The following CERS5 variants were observed in gnomAD, a reference collection of about 807,000 sequenced individuals.
The protein encoded by CERS5 is LAG1 homolog, ceramide synthase 5.
In CERS5, 37 loss-of-function variants were observed where a neutral mutation model predicts 58.9. The observed-to-expected ratio is 0.63, with a 90% CI of 0.48 to 0.83. The LOEUF is 0.83. Ranked by LOEUF, CERS5 falls within the 40% of genes least tolerant of loss-of-function variation. The pLI is 0.00. For synonymous variants in CERS5, 147 were observed against 177.8 expected, an observed-to-expected ratio of 0.83 and a Z score of 1.38; for missense variants, 398 against 489.3, an observed-to-expected ratio of 0.81 and a Z score of 1.76.
chr12:50,155,026 T>C (rs1373302963), intron 1 of CERS5, among the ~76,000 whole-genome samples: 1 of 151,982 alleles, frequency 6.6e-6, no homozygotes, highest in African/African-American at 2.4e-5. Flanking sequence ...CCTGGTTAAT[T>C]TTTGCATTTT....
intron 9 of CERS5, 89 bp downstream of exon 9, chr12:50,134,457 G>A (rs763237279): frequency 3.1e-6 from 5 of 1,610,548 alleles, no homozygotes; most frequent in Admixed American, 1.7e-5. Flanking sequence ...TGAGTAGATG[G>A]GGCTCACCAG....
intron 9 of CERS5, among the ~76,000 whole-genome samples, chr12:50,132,176 C>G (rs577092912): frequency 5.3e-5 from 8 of 151,182 alleles, no homozygotes; most frequent in African/African-American, 1.7e-4. Context: ...GAAGTGGGCG[C>G]ATCACCTGAG....
chr12:50,140,473 T>C (rs914983881), intron 4 of CERS5, among the ~76,000 whole-genome samples: 1 of 151,738 alleles, frequency 6.6e-6, no homozygotes, highest in East Asian at 1.9e-4. Flanking sequence ...TTAGTAGAGA[T>C]AGAGTTTTGC....
chr12:50,137,638 G>A, intron 6 of CERS5, 90 bp downstream of exon 6: 1 of 716,494 alleles, frequency 1.4e-6, no homozygotes, highest in East Asian at 2.7e-5. Context: ...TGCAGTCTCA[G>A]GGAAGATAAT....
Position 50,130,386 on chromosome 12 carries a change from G to A in CERS5, c.*159C>T, listed in dbSNP as rs1592319802. 3.5e-6 allele frequency: 2 copies of A among 572,308 alleles called. No homozygotes were observed. Among genetic ancestry groups the A allele is most frequent in the South Asian group, 4.0e-5 (1 of 24,718 alleles). The allele number at this position is 572,308 out of a possible 1,614,324, so 35.5% of individuals were successfully genotyped here. A position where few individuals can be genotyped will look rare whatever the true frequency, so the allele number is the denominator to read the frequency against. ...ACCTGGAGGCTATTAAATACAAAAT[G>A]GCAGTTTTCTTTCAAAGTGAAAATA... On this transcript the variant is annotated 3_prime_UTR_variant, in exon 10 of 10. Transcript: ENST00000317551.
At chr12:50,147,085 G>A (rs1020225134) in intron 1 of CERS5, among the ~76,000 whole-genome samples, 25 of 151,944 alleles carry the variant, frequency 1.6e-4, no homozygotes, top group Non-Finnish European at 2.4e-4. Flanking sequence ...TCATACAAAA[G>A]GTTGGTATTT....
At position 50,135,771 on chromosome 12, in the gene CERS5, G is replaced by A. The variant is rs767597377; in HGVS notation, c.833C>T (p.Ala278Val). ...LCDTLFVIFS[A>V]VFMVTRLGIY... ...TCCTAGTCGTGTAACCATAAAAACAGCACTGAAGATCACAAAAAGGGTGTC... is the reference window on the plus strand; with the variant it reads ...TCCTAGTCGTGTAACCATAAAAACAACACTGAAGATCACAAAAAGGGTGTC... Residue 278 changes from alanine to valine, a missense_variant, in exon 8 of 10, where the codon GCT becomes GTT. Ala to Val is a moderately conservative substitution (Grantham distance 64). This residue lies in a region of CERS5 where 328 missense variants were observed against 384.5 expected (regional missense o/e 0.85). Coordinates refer to ENST00000317551, the MANE Select transcript of CERS5 (RefSeq NM_147190.5). The A allele has an allele frequency of 1.3e-5, 21 of 1,613,878 alleles. No homozygotes were observed. The highest frequency in any genetic ancestry group is 1.5e-5 in the Non-Finnish European group (18 of 1,179,936).
chr12:50,155,764 G>A (rs1346192263), intron 1 of CERS5, among the ~76,000 whole-genome samples: 9 of 84,358 alleles, frequency 1.1e-4, no homozygotes, highest in Admixed American at 2.6e-4. Flanking sequence ...AAAAAAAAAG[G>A]CCCAGCCTGG....
intron 6 of CERS5, 106 bp downstream of exon 6, chr12:50,137,622 T>C (rs1313128305): frequency 6.3e-6 from 4 of 636,720 alleles, no homozygotes; most frequent in Non-Finnish European, 1.1e-5. Context: ...ACCCAGTTTC[T>C]CCTTTTGCAG....
At chr12:50,156,099 CAAAA>C (rs34616031) in intron 1 of CERS5, among the ~76,000 whole-genome samples, 3 of 48,984 alleles carry the variant, frequency 6.1e-5, no homozygotes, top group Admixed American at 6.4e-4. Context: ...CATTCTGTCT[CAAAA>C]AAAAAAAAAA....
intron 1 of CERS5, among the ~76,000 whole-genome samples, chr12:50,148,926 AAATAT>A (rs1177097659): frequency 8.0e-5 from 6 of 75,358 alleles, no homozygotes; most frequent in South Asian, 5.2e-4. Flanking sequence ...AAAAAAAAAA[AAATAT>A]ATATATATAT....
rs773386865 is a variant in CERS5 at position 50,134,634 on chromosome 12, T to C, written c.941A>G (p.Asn314Ser). 1 of 1,614,152 alleles carries C rather than the reference T, an allele frequency of 6.2e-7. No homozygotes were observed. Among genetic ancestry groups the C allele is most frequent in the South Asian group, 1.1e-5 (1 of 91,086 alleles). Reference protein sequence around the residue: ...IGPYASWWLLNGLLLTLQLLH... With the variant: ...IGPYASWWLLSGLLLTLQLLH... ...AAGCTGTAGGGTCAGCAGCAGGCCA[T>C]TGAGGAGCCACCATGAAGCATAAGG... Residue 314 changes from asparagine to serine, a missense_variant, in exon 9 of 10, where the codon AAT becomes AGT. Physicochemically the swap from Asn to Ser is conservative, Grantham distance 46. Around this residue, in one of 3 missense-constraint regions of CERS5, gnomAD observed 23 missense variants for 54.6 expected, o/e 0.42. Transcript: ENST00000317551.
At chr12:50,147,046 A>G (rs551260024) in intron 1 of CERS5, among the ~76,000 whole-genome samples, 58 of 152,298 alleles carry the variant, frequency 3.8e-4, no homozygotes, top group African/African-American at 1.4e-3. Flanking sequence ...ATTTGAAATT[A>G]TAGCTTTTGA....
At position 50,150,724 on chromosome 12, in the gene CERS5, A is replaced by G. The variant is rs1937872168; in HGVS notation, c.198-6667T>C. Among the ~76,000 whole-genome samples the G allele has an allele frequency of 2.0e-5, 3 of 152,250 alleles. No homozygotes were observed. The South Asian group carries it at 6.2e-4, about 32-fold the overall frequency. On this transcript the variant is annotated intron_variant, in intron 1 of 9. Coordinates refer to ENST00000317551, the MANE Select transcript of CERS5 (RefSeq NM_147190.5). ...TATCAAATAAGGGAAAGACCAAGACAAGGACTTCAGTATCTACTACATTTG... is the reference window on the plus strand; with the variant it reads ...TATCAAATAAGGGAAAGACCAAGACGAGGACTTCAGTATCTACTACATTTG...
chr12:50,167,037 T>G (rs1023931193), intron 1 of CERS5, 64 bp downstream of exon 1: 18 of 1,306,846 alleles, frequency 1.4e-5, no homozygotes, highest in Non-Finnish European at 1.8e-5. Flanking sequence ...CCCTCGGCCC[T>G]TCCCACAGCG....
chr12:50,141,939 CAAAAAAA>C, intron 4 of CERS5, 107 bp downstream of exon 4: 7 of 404,324 alleles, frequency 1.7e-5, no homozygotes, highest in South Asian at 7.2e-5. Flanking sequence ...GACTCCGTCT[CAAAAAAA>C]AAAAAAAAAA....
At chr12:50,153,169 T>C (rs1048700716) in intron 1 of CERS5, among the ~76,000 whole-genome samples, 1 of 151,950 alleles carries the variant, frequency 6.6e-6, no homozygotes, top group African/African-American at 2.4e-5. Flanking sequence ...AAGTGAAACT[T>C]AGAATGTTTA....
At chr12:50,137,868 A>G (rs745501333) in intron 5 of CERS5, 48 bp from the exon 6 acceptor site, 1 of 1,241,872 alleles carries the variant, frequency 8.1e-7, no homozygotes, top group Non-Finnish European at 1.2e-6. Flanking sequence ...TCAAAGGTGC[A>G]TTCCATCTCT....
chr12:50,167,274 G>A lies in CERS5; in HGVS notation c.24C>T (p.Pro8=), dbSNP rs2138335658. The A allele has an allele frequency of 6.4e-7, 1 of 1,569,708 alleles. No homozygotes were observed. Among genetic ancestry groups the A allele is most frequent in the South Asian group, 1.1e-5 (1 of 87,976 alleles). ...ACAGCCAGCCCCACAGCAAGCTTAG[G>A]GGTCCCTGCGCTGCTGTCGCCATCT... is the stretch of plus-strand genomic sequence containing the variant. MATAAQG[P]LSLLWGWLWS... The change falls in exon 1 of 10, where the codon CCC becomes CCT. Residue 8 remains proline (P), a synonymous_variant. Coordinates refer to ENST00000317551, the MANE Select transcript of CERS5 (RefSeq NM_147190.5).
Sources: allele counts gnomAD v4.1 joint callset (sites outside exome capture counted in the v4.1 genomes callset), GRCh38; gene constraint gnomAD v4.1.1; regional missense constraint gnomAD v4.1.1; transcripts MANE v1.5; gene names NCBI Gene and HGNC (gene_info 2026-07-23, HGNC 2026-07-21).